CSMD1: variants seen among roughly 807,000 people sequenced by gnomAD.
The protein encoded by CSMD1 is CUB and Sushi multiple domains 1, also known as CUB and sushi domain-containing protein 1.
Under a neutral mutation model 417.5 loss-of-function variants are expected in CSMD1, and 213 were observed. The ratio of observed to expected loss-of-function variants is 0.51; its 90% CI spans 0.46 to 0.57. The LOEUF is 0.57. Among genes scored for constraint, CSMD1 ranks in the 20% least tolerant of loss-of-function variants. The probability of loss-of-function intolerance (pLI) is 0.00; values close to 1 mark genes in which losing one functional copy is unlikely to be tolerated. For missense variants in CSMD1, 6,923 were observed against 4,529.7 expected (o/e 1.53, Z -15.17); for synonymous variants, 2,862 against 1,736.8 (o/e 1.65, Z -16.11).
At chr8:3,981,614 C>A (rs1418533285) in intron 5 of CSMD1, among the ~76,000 whole-genome samples, 1 of 151,040 alleles carries the variant, frequency 6.6e-6, no homozygotes, top group Non-Finnish European at 1.5e-5. Flanking sequence ...TCAATTAGAG[C>A]AGTATTGTTC....
At chr8:3,562,401 TACACACACATGC>T (rs1357586537) in intron 10 of CSMD1, among the ~76,000 whole-genome samples, 2 of 137,596 alleles carry the variant, frequency 1.5e-5, no homozygotes, top group Non-Finnish European at 3.2e-5. Context: ...CACACATGCA[TACACACACATGC>T]ACAAACACAC....
At chr8:3,731,890 G>A (rs372703256) in intron 6 of CSMD1, among the ~76,000 whole-genome samples, 2 of 152,190 alleles carry the variant, frequency 1.3e-5, no homozygotes, top group South Asian at 2.1e-4. Context: ...GCTTAGAGCA[G>A]TTGAATAATG....
chr8:3,997,097 A>G (rs951757085), intron 5 of CSMD1, among the ~76,000 whole-genome samples: 6 of 152,250 alleles, frequency 3.9e-5, no homozygotes, highest in Admixed American at 1.3e-4. Context: ...TTCAAGATCT[A>G]AAACAGATAA....
intron 52 of CSMD1, among the ~76,000 whole-genome samples, chr8:3,007,776 TG>T (rs1202551784): frequency 6.1e-5 from 4 of 65,778 alleles, no homozygotes; most frequent in Admixed American, 5.0e-4. Flanking sequence ...CGCTGTGGGG[TG>T]GGGGGAGGGG....
chr8:4,250,060 C>G (rs972078962), intron 3 of CSMD1, among the ~76,000 whole-genome samples: 27 of 152,170 alleles, frequency 1.8e-4, no homozygotes. Context: ...AGAGGGCTCT[C>G]AGAGTGGGCT....
intron 1 of CSMD1, among the ~76,000 whole-genome samples, chr8:4,874,655 T>G (rs959061435): frequency 6.6e-6 from 1 of 151,802 alleles, no homozygotes; most frequent in African/African-American, 2.4e-5. Flanking sequence ...CCTCCCAGAG[T>G]CCTGGGATCA....
At chr8:4,829,756 A>T (rs1477358611) in intron 1 of CSMD1, among the ~76,000 whole-genome samples, 3 of 140,522 alleles carry the variant, frequency 2.1e-5, no homozygotes, top group Non-Finnish European at 4.7e-5. Context: ...AAAAAAAAAA[A>T]GAAACTCACA....
intron 1 of CSMD1, among the ~76,000 whole-genome samples, chr8:4,815,345 C>A (rs1157507993): frequency 6.6e-6 from 1 of 152,156 alleles, no homozygotes; most frequent in African/African-American, 2.4e-5. Context: ...CACAGTCCCA[C>A]TGTGGACAGA....
intron 29 of CSMD1, among the ~76,000 whole-genome samples, chr8:3,215,611 G>A (rs1797835675): frequency 6.6e-6 from 1 of 152,150 alleles, no homozygotes; most frequent in Non-Finnish European, 1.5e-5. Flanking sequence ...TTCTTCCCAA[G>A]TAAAAATACA....
chr8:3,012,324 G>C (rs1808451930), intron 52 of CSMD1, among the ~76,000 whole-genome samples: 1 of 152,122 alleles, frequency 6.6e-6, no homozygotes, highest in African/African-American at 2.4e-5. Flanking sequence ...AAATACAGCT[G>C]TCCTATAGTT....
intron 3 of CSMD1, among the ~76,000 whole-genome samples, chr8:4,045,547 T>C (rs1289024110): frequency 6.6e-6 from 1 of 152,156 alleles, no homozygotes; most frequent in Non-Finnish European, 1.5e-5. Flanking sequence ...CAGATGCTGT[T>C]ACAGCTCAGA....
At chr8:3,158,893 G>C (rs969273866) in intron 38 of CSMD1, among the ~76,000 whole-genome samples, 1 of 152,056 alleles carries the variant, frequency 6.6e-6, no homozygotes, top group African/African-American at 2.4e-5. Flanking sequence ...CACTGGGAAC[G>C]CATCAAACAA....
chr8:4,076,803 T>A (rs540170356), intron 3 of CSMD1, among the ~76,000 whole-genome samples: 12 of 152,160 alleles, frequency 7.9e-5, no homozygotes, highest in Admixed American at 7.9e-4. Context: ...GTATACACCA[T>A]CACGCAAGGC....
intron 3 of CSMD1, among the ~76,000 whole-genome samples, chr8:4,357,498 T>A (rs910898802): frequency 1.3e-5 from 2 of 152,166 alleles, no homozygotes; most frequent in Non-Finnish European, 2.9e-5. Context: ...CATTACTTTA[T>A]CCACAGTTCC....
intron 11 of CSMD1, among the ~76,000 whole-genome samples, chr8:3,476,909 C>T (rs74614542): frequency 0.61 from 84,458 of 138,404 alleles, 25,989 homozygotes; most frequent in Middle Eastern, 0.75. Context: ...CGAAACTCCG[C>T]CTCAAAAAAA....
intron 3 of CSMD1, among the ~76,000 whole-genome samples, chr8:4,173,249 C>T (rs1222171781): frequency 1.3e-5 from 2 of 152,120 alleles, no homozygotes; most frequent in African/African-American, 4.8e-5. Context: ...TCTCACGCAA[C>T]ATTTGGAATG....
chr8:4,774,927 T>G (rs1171559132), intron 1 of CSMD1, among the ~76,000 whole-genome samples: 1 of 152,218 alleles, frequency 6.6e-6, no homozygotes, highest in Non-Finnish European at 1.5e-5. Flanking sequence ...CAGCATGATG[T>G]TCTCTGTACA....
chr8:3,665,863 T>C (rs1363815141), intron 7 of CSMD1, among the ~76,000 whole-genome samples: 1 of 152,074 alleles, frequency 6.6e-6, no homozygotes, highest in Non-Finnish European at 1.5e-5. Flanking sequence ...ACCTCAGTGT[T>C]GGTTTGCTTT....
intron 15 of CSMD1, among the ~76,000 whole-genome samples, chr8:3,401,221 T>C (rs1812020331): frequency 6.6e-6 from 1 of 152,084 alleles, no homozygotes; most frequent in Non-Finnish European, 1.5e-5. Flanking sequence ...AAAAAAATTA[T>C]GATAGTTGAG....
Sources: gnomAD v4.1 joint callset for allele counts (sites outside exome capture counted in the v4.1 genomes callset) on GRCh38, gnomAD v4.1.1 for gene constraint, MANE v1.5 for transcripts, NCBI Gene and HGNC (gene_info 2026-07-23, HGNC 2026-07-21) for gene names.